The following CNTN5 variants were observed in gnomAD, a reference collection of about 807,000 sequenced individuals.
CNTN5 encodes the protein contactin 5, also known as contactin-5.
Under a neutral mutation model 129.1 loss-of-function variants are expected in CNTN5, and 77 were observed. That is an observed-to-expected ratio of 0.60 (90% confidence interval 0.50 to 0.72). The LOEUF (loss-of-function observed/expected upper bound fraction) is 0.72. Among genes scored for constraint, CNTN5 ranks in the 30% least tolerant of loss-of-function variants. The pLI, the probability that CNTN5 is intolerant of heterozygous loss-of-function variation, is 0.00. For synonymous variants in CNTN5, 509 were observed against 465.6 expected, an observed-to-expected ratio of 1.09 and a Z score of -1.20; for missense variants, 1,478 against 1,328.8, an observed-to-expected ratio of 1.11 and a Z score of -1.75.
intron 2 of CNTN5, among the ~76,000 whole-genome samples, chr11:99,393,130 T>A (rs1941348596): frequency 6.6e-6 from 1 of 151,750 alleles, no homozygotes; most frequent in Admixed American, 6.6e-5. Context: ...TGAGGCTAAA[T>A]GTCAAAAGAA....
At chr11:100,007,648 G>C (rs746885013) in intron 9 of CNTN5, among the ~76,000 whole-genome samples, 2 of 152,082 alleles carry the variant, frequency 1.3e-5, no homozygotes, top group Non-Finnish European at 2.9e-5. Flanking sequence ...CTGTGAGTTA[G>C]GTTTTGGCTT....
At chr11:100,000,351 G>A (rs1221234010) in intron 8 of CNTN5, among the ~76,000 whole-genome samples, 1 of 152,126 alleles carries the variant, frequency 6.6e-6, no homozygotes, top group Non-Finnish European at 1.5e-5. Flanking sequence ...CAGGCCACAT[G>A]CACATACAAA....
intron 13 of CNTN5, among the ~76,000 whole-genome samples, chr11:100,164,789 C>T (rs948738052): frequency 6.6e-6 from 1 of 151,666 alleles, no homozygotes; most frequent in African/African-American, 2.4e-5. Flanking sequence ...TGGAAATTAG[C>T]CAGAAGATTC....
chr11:100,189,586 C>A (rs751836708), intron 13 of CNTN5, among the ~76,000 whole-genome samples: 43 of 152,260 alleles, frequency 2.8e-4, no homozygotes, highest in Middle Eastern at 3.4e-3. Flanking sequence ...GTAATTCTTA[C>A]AAGAGGATGC....
rs190015307 is a variant in CNTN5, at chr11:100,034,924, T to A, written c.981-26288T>A. On this transcript the variant is annotated intron_variant, in intron 9 of 24. Transcript: ENST00000524871. ...CCTCTTCAGCCTCATCACTAAATAGTGCTAGTGAAGCAACAACCATACAAA... is the reference window on the plus strand; with the variant it reads ...CCTCTTCAGCCTCATCACTAAATAGAGCTAGTGAAGCAACAACCATACAAA... Among the ~76,000 whole-genome samples, 322 of 152,310 alleles carry A rather than the reference T, an allele frequency of 2.1e-3. 3 individuals are homozygous for A. The highest frequency in any genetic ancestry group is 1.9e-3 in the Non-Finnish European group (132 of 68,022).
chr11:99,561,159 T>C (rs943755524), intron 3 of CNTN5, among the ~76,000 whole-genome samples: 1 of 152,080 alleles, frequency 6.6e-6, no homozygotes, highest in Non-Finnish European at 1.5e-5. Context: ...TGCCAGAAAG[T>C]AAGCGAGTGC....
At chr11:99,904,304 C>T (rs754611782) in intron 6 of CNTN5, among the ~76,000 whole-genome samples, 2 of 151,326 alleles carry the variant, frequency 1.3e-5, no homozygotes, top group African/African-American at 2.4e-5. Context: ...TCCCCAAGCC[C>T]GGACAGGTCC....
intron 3 of CNTN5, among the ~76,000 whole-genome samples, chr11:99,817,949 C>T (rs1946647704): frequency 6.6e-6 from 1 of 152,112 alleles, no homozygotes; most frequent in Non-Finnish European, 1.5e-5. Flanking sequence ...TCTTGGGCTA[C>T]ACATATCATG....
intron 2 of CNTN5, among the ~76,000 whole-genome samples, chr11:99,437,598 C>T (rs1377704890): frequency 1.3e-5 from 2 of 152,032 alleles, no homozygotes; most frequent in East Asian, 1.9e-4. Flanking sequence ...GAGGCTGAGG[C>T]GGGTGGATCA....
At chr11:99,679,142 A>G (rs1379058211) in intron 3 of CNTN5, among the ~76,000 whole-genome samples, 1 of 147,836 alleles carries the variant, frequency 6.8e-6, no homozygotes, top group East Asian at 1.9e-4. Context: ...GGAAATATAT[A>G]TAAGTACATA....
chr11:99,320,330 G>A (rs1034461891), intron 1 of CNTN5, among the ~76,000 whole-genome samples: 10 of 152,312 alleles, frequency 6.6e-5, no homozygotes, highest in African/African-American at 2.4e-4. Flanking sequence ...GAGAACAGTG[G>A]AAGACGAGAT....
At chr11:99,581,509 G>T (rs1377414481) in intron 3 of CNTN5, among the ~76,000 whole-genome samples, 4 of 145,774 alleles carry the variant, frequency 2.7e-5, no homozygotes, top group African/African-American at 5.1e-5. Context: ...TATGAATCTG[G>T]GTGCTCCTGT....
chr11:99,489,325 G>C (rs980082826), intron 2 of CNTN5, among the ~76,000 whole-genome samples: 1 of 152,158 alleles, frequency 6.6e-6, no homozygotes, highest in Non-Finnish European at 1.5e-5. Flanking sequence ...AAATGCAATA[G>C]AGCGTTATTT....
At chr11:99,118,145 A>G (rs529283130) in intron 1 of CNTN5, among the ~76,000 whole-genome samples, 133 of 152,298 alleles carry the variant, frequency 8.7e-4, no homozygotes, top group African/African-American at 3.2e-3. Flanking sequence ...TATGTTTAGC[A>G]TTAGCAAATA....
intron 6 of CNTN5, among the ~76,000 whole-genome samples, chr11:99,911,678 G>T (rs1949662825): frequency 6.6e-6 from 1 of 151,250 alleles, no homozygotes; most frequent in Non-Finnish European, 1.5e-5. Context: ...ATATTTTTCA[G>T]GTGTTTGTGT....
chr11:99,783,045 A>C (rs199612508), intron 3 of CNTN5, among the ~76,000 whole-genome samples: 14,886 of 144,706 alleles, frequency 0.1, 1,108 homozygotes, highest in East Asian at 0.36. Context: ...CAACCTACAA[A>C]ATGGGAGAAA....
chr11:99,273,199 C>A (rs1863257857), intron 1 of CNTN5, among the ~76,000 whole-genome samples: 1 of 151,810 alleles, frequency 6.6e-6, no homozygotes, highest in Admixed American at 6.6e-5. Flanking sequence ...GACATATGCA[C>A]CAATTCTTGT....
chr11:99,395,695 A>G (rs1243083320), intron 2 of CNTN5, among the ~76,000 whole-genome samples: 2 of 151,840 alleles, frequency 1.3e-5, no homozygotes, highest in Non-Finnish European at 2.9e-5. Context: ...TAAGTCTTTA[A>G]TCCATCTCGA....
intron 1 of CNTN5, among the ~76,000 whole-genome samples, chr11:99,231,094 A>T (rs554395626): frequency 1.3e-5 from 2 of 152,292 alleles, no homozygotes; most frequent in African/African-American, 4.8e-5. Flanking sequence ...TTCTGTTTTG[A>T]ATAGTACTGC....
Sources: gnomAD v4.1 joint callset for allele counts (sites outside exome capture counted in the v4.1 genomes callset) on GRCh38, gnomAD v4.1.1 for gene constraint, MANE v1.5 for transcripts, NCBI Gene and HGNC (gene_info 2026-07-23, HGNC 2026-07-21) for gene names.